The following IMPDH1 variants were observed in gnomAD, a reference collection of about 807,000 sequenced individuals.
IMPDH1 encodes the protein inosine-5'-monophosphate dehydrogenase 1.
Under a neutral mutation model 73.5 loss-of-function variants are expected in IMPDH1, and 41 were observed. That is an observed-to-expected ratio of 0.56 (90% confidence interval 0.43 to 0.72). IMPDH1 has a LOEUF of 0.72. Among genes scored for constraint, IMPDH1 ranks in the 30% least tolerant of loss-of-function variants. The pLI is 0.00. For missense variants in IMPDH1, 645 were observed against 824.8 expected, an observed-to-expected ratio of 0.78 and a Z score of 2.67; for synonymous variants, 318 against 334.3, an observed-to-expected ratio of 0.95 and a Z score of 0.53.
chr7:128,399,545 G>A (rs1043406207), intron 9 of IMPDH1, among the ~76,000 whole-genome samples: 1 of 151,258 alleles, frequency 6.6e-6, no homozygotes, highest in South Asian at 2.1e-4. Context: ...AAAATTAGCT[G>A]GTATAGTAGC....
In IMPDH1 at chr7:128,398,729, G is replaced by C. The variant is rs960192973; in HGVS notation, c.875-116C>G. On this transcript the variant is annotated intron_variant, in intron 9 of 16. Transcript: ENST00000338791. This position sits in a 1 kb window ranked among gnomAD's most constrained non-coding sequence, Gnocchi z 4.3. The stretch of plus-strand genomic sequence containing the variant: ...CCAGAGATTCCACTGAAGTACCCCA[G>C]TCAGCCACTAGGTGACAGCACCGCC... 2.2e-5 allele frequency: 18 copies of C among 816,722 alleles called. No homozygotes were observed. In the East Asian group the frequency reaches 4.6e-4, roughly 21 times the overall value. 50.6% of individuals were successfully genotyped at this position (816,722 alleles called of 1,614,324 possible).
In IMPDH1 at chr7:128,407,734, G is replaced by A. The variant is rs73721392; in HGVS notation, c.254+1555C>T. 8.3e-3 allele frequency among the ~76,000 whole-genome samples: 1,269 copies of A among 152,280 alleles called. 21 individuals are homozygous for A. Among genetic ancestry groups the A allele is most frequent in the African/African-American group, 0.029 (1,202 of 41,546 alleles). On this transcript the variant is annotated intron_variant, in intron 3 of 16. Transcript: ENST00000338791. ...TCACTGTCCCCTACAGTATGAGTTA[G>A]GAATGGCTAGAGTACTATTCAGGAT...
intron 1 of IMPDH1, 97 bp downstream of exon 1, chr7:128,409,659 G>A: frequency 6.7e-7 from 1 of 1,500,142 alleles, no homozygotes; most frequent in Admixed American, 2.0e-5. Context: ...TGTGGGGCCT[G>A]CCCCTCCCCC....
At chr7:128,406,532 G>A (rs887070013) in intron 3 of IMPDH1, among the ~76,000 whole-genome samples, 4 of 151,874 alleles carry the variant, frequency 2.6e-5, no homozygotes, top group African/African-American at 9.7e-5. Context: ...CTAGGGAGCC[G>A]GCATTCTTCA....
chr7:128,393,167 G>C, intron 16 of IMPDH1, 139 bp from the exon 17 acceptor site: 1 of 948,366 alleles, frequency 1.1e-6, no homozygotes, highest in Non-Finnish European at 1.7e-6. Flanking sequence ...TACGGCGCAG[G>C]AGGAGGGCCT....
intron 3 of IMPDH1, 193 bp from the exon 4 acceptor site, chr7:128,406,058 CCGCCCTTCT>C (rs1304852228): frequency 5.5e-6 from 1 of 181,082 alleles, no homozygotes; most frequent in African/African-American, 2.4e-5. Flanking sequence ...CCCGCCCCTC[CCGCCCTTCT>C]CGCCCCTCCC....
rs997962952 is a variant in IMPDH1 at position 128,409,238 on chromosome 7, T to G, written c.254+51A>C. The G allele has an allele frequency of 2.0e-6, 3 of 1,528,582 alleles. No homozygotes were observed. The African/African-American group carries it at 4.1e-5, about 21-fold the overall frequency. The allele number at this position is 1,528,582 out of a possible 1,614,324, so 94.7% of individuals were successfully genotyped here. On this transcript the variant is annotated intron_variant, in intron 3 of 16. Coordinates refer to ENST00000338791, the MANE Select transcript of IMPDH1 (RefSeq NM_000883.4). ...GGAGAGACCTTGAGGTGAGCTGCAC[T>G]GGCAGCCTCTCAGATCTCAGTGCAT...
chr7:128,399,899 A>G (rs1798194770), intron 9 of IMPDH1, among the ~76,000 whole-genome samples, 196 bp downstream of exon 9: 1 of 152,220 alleles, frequency 6.6e-6, no homozygotes, highest in Non-Finnish European at 1.5e-5. Flanking sequence ...TACTATGAAG[A>G]TGCTGCACTA....
At chr7:128,405,945 T>A in intron 3 of IMPDH1, 80 bp from the exon 4 acceptor site, 1 of 1,287,828 alleles carries the variant, frequency 7.8e-7, no homozygotes, top group Non-Finnish European at 1.0e-6. Flanking sequence ...CTGCTACTGC[T>A]GACGCCGCGC....
Position 128,400,827 on chromosome 7 carries a change from C to A in IMPDH1, c.569G>T (p.Arg190Leu), listed in dbSNP as rs777909017. 2.5e-6 allele frequency: 4 copies of A among 1,614,070 alleles called. No homozygotes were observed. The East Asian group carries it at 6.7e-5, about 27-fold the overall frequency. Reference protein sequence around the residue: ...CTPEFQANEVRKVKKFEQGFI... With the variant: ...CTPEFQANEVLKVKKFEQGFI... ...AGGCCTGGTACTTGCCTTGACCTTC[C>A]GCACCTCGTTGGCCTGGAACTCTGG... Residue 190 changes from arginine to leucine, a missense_variant, in exon 7 of 17, where the codon CGG (arginine) becomes CTG (leucine). Arg to Leu is a moderately radical substitution (Grantham distance 102, BLOSUM62 -2). Transcript: ENST00000338791.
In IMPDH1 at chr7:128,394,704, C is replaced by G; in HGVS notation, c.1551-105G>C. ...ATACCGCCCAGGAAGGTCCCCCAGGCCACCCCTCACTGGGCTGAGTCAGAT... is the reference window on the plus strand; with the variant it reads ...ATACCGCCCAGGAAGGTCCCCCAGGGCACCCCTCACTGGGCTGAGTCAGAT... On this transcript the variant is annotated intron_variant, in intron 14 of 16. Transcript: ENST00000338791. The surrounding 1 kb of genome is among the most constrained non-coding windows in gnomAD (Gnocchi z 5.5). 1 of 1,465,046 alleles carries G rather than the reference C, an allele frequency of 6.8e-7. No individual in the cohort carries two copies. The highest frequency in any genetic ancestry group is 2.3e-5 in the East Asian group (1 of 43,460). The allele number at this position is 1,465,046 out of a possible 1,614,324, so 90.8% of individuals were successfully genotyped here.
Position 128,394,794 on chromosome 7 carries a change from T to G in IMPDH1, c.1550+95A>C, listed in dbSNP as rs1223734545. On this transcript the variant is annotated intron_variant, in intron 14 of 16. Transcript: ENST00000338791. The surrounding 1 kb of genome is among the most constrained non-coding windows in gnomAD (Gnocchi z 5.5). ...TGCCTCAGTTTCCAGAACCACCATATGGGGACTGGCTGCCATCTGGGGAAG... is the reference window on the plus strand; with the variant it reads ...TGCCTCAGTTTCCAGAACCACCATAGGGGGACTGGCTGCCATCTGGGGAAG... The G allele has an allele frequency of 1.3e-6, 2 of 1,511,956 alleles. No individual in the cohort carries two copies. Among genetic ancestry groups the G allele is most frequent in the East Asian group, 2.3e-5 (1 of 44,392 alleles). 93.7% of individuals were successfully genotyped at this position (1,511,956 alleles called of 1,614,324 possible).
intron 3 of IMPDH1, among the ~76,000 whole-genome samples, chr7:128,409,070 T>C (rs555348330): frequency 6.6e-6 from 1 of 152,284 alleles, no homozygotes; most frequent in Admixed American, 6.5e-5. Flanking sequence ...GACAGTGGGA[T>C]TGCATTTCAA....
In IMPDH1 at chr7:128,403,757, G is replaced by A. The variant is rs1798505038; in HGVS notation, c.354-3C>T. ...ATCCTGGGAGAATCAGGAAGTCGCT[G>A]TGAAGACAGAGAAGTGAGTGTTATT... On this transcript the variant is annotated splice_region_variant and splice_polypyrimidine_tract_variant and intron_variant, in intron 4 of 16. Transcript: ENST00000338791. 1 of 1,613,812 alleles carries A rather than the reference G, an allele frequency of 6.2e-7. No homozygotes were observed. Among genetic ancestry groups the A allele is most frequent in the Non-Finnish European group, 8.5e-7 (1 of 1,179,684 alleles).
intron 3 of IMPDH1, among the ~76,000 whole-genome samples, chr7:128,407,192 C>A (rs1482620131): frequency 6.6e-6 from 1 of 152,228 alleles, no homozygotes; most frequent in African/African-American, 2.4e-5. Context: ...CCCTCCCTGG[C>A]TTGGTGGCTG....
At chr7:128,399,524 A>C (rs2116650023) in intron 9 of IMPDH1, among the ~76,000 whole-genome samples, 1 of 146,048 alleles carries the variant, frequency 6.8e-6, no homozygotes, top group Non-Finnish European at 1.5e-5. Flanking sequence ...TAAAAATACA[A>C]AAAAAAAAAA....
Position 128,398,594 on chromosome 7 carries a change from A to G in IMPDH1, c.894T>C (p.Asn298=). The change falls in exon 10 of 17, where the codon AAT becomes AAC. Residue 298 remains asparagine, a synonymous_variant. Coordinates refer to ENST00000338791, the MANE Select transcript of IMPDH1 (RefSeq NM_000883.4). The surrounding 1 kb of genome is among the most constrained non-coding windows in gnomAD (Gnocchi z 4.3). ...TGATGGCCACCAGCTCATCGCAATC[A>G]TTGACGATAGGCAGCTTCCCTGACA... ...RSKKGKLPIV[N]DCDELVAIIA... 1 of 1,612,842 alleles carries G rather than the reference A, an allele frequency of 6.2e-7. No homozygotes were observed. The highest frequency in any genetic ancestry group is 1.1e-5 in the South Asian group (1 of 91,068).
chr7:128,394,237 C>A lies in IMPDH1; in HGVS notation c.1778+41G>T. The stretch of plus-strand genomic sequence containing the variant: ...AGAACCCTGGCCCCACCTGCCCAAC[C>A]CACTGCCTCCAAGTGACAGCAAGGA... On this transcript the variant is annotated intron_variant, in intron 16 of 16. Transcript: ENST00000338791. This position sits in a 1 kb window ranked among gnomAD's most constrained non-coding sequence, Gnocchi z 5.5. The A allele has an allele frequency of 6.4e-7, 1 of 1,557,056 alleles. No individual in the cohort carries two copies. Among genetic ancestry groups the A allele is most frequent in the Non-Finnish European group, 8.9e-7 (1 of 1,128,866 alleles).
At chr7:128,405,505 C>G (rs1016695529) in intron 4 of IMPDH1, among the ~76,000 whole-genome samples, 5 of 152,216 alleles carry the variant, frequency 3.3e-5, no homozygotes, top group African/African-American at 7.2e-5. Context: ...AGGGCCCCTC[C>G]ATGCCGCTGA....
Sources: allele counts gnomAD v4.1 joint callset (sites outside exome capture counted in the v4.1 genomes callset), GRCh38; gene constraint gnomAD v4.1.1; non-coding constraint Gnocchi (gnomAD v3.1); transcripts MANE v1.5; gene names NCBI Gene and HGNC (gene_info 2026-07-23, HGNC 2026-07-21).